Variants in ZNF521 observed in about 807,000 individuals in gnomAD.
The protein encoded by ZNF521 is LYST-interacting protein 3.
In ZNF521, 14 loss-of-function variants were observed where a neutral mutation model predicts 105.5. That is an observed-to-expected ratio of 0.13 (90% CI 0.09 to 0.21). The LOEUF (loss-of-function observed/expected upper bound fraction) is 0.21. ZNF521 is among the 10% of genes least tolerant of loss of function. ZNF521 has a pLI of 1.00. For synonymous variants in ZNF521, 635 were observed against 606.0 expected (o/e 1.05, Z -0.70); for missense variants, 1,233 against 1,629.7 (o/e 0.76, Z 4.19).
At chr18:25,288,585 A>C (rs370972841) in intron 3 of ZNF521, among the ~76,000 whole-genome samples, 3 of 143,136 alleles carry the variant, frequency 2.1e-5, no homozygotes, top group African/African-American at 5.4e-5. Context: ...AAAAAAAAAA[A>C]CCCAGCTTTG....
intron 4 of ZNF521, chr18:25,223,965 C>T (rs1344151432): frequency 4.1e-6 from 1 of 245,724 alleles, no homozygotes; most frequent in Non-Finnish European, 8.0e-6. Context: ...CATGGTGGCT[C>T]ATAGCATCTT....
chr18:25,206,517 G>A (rs1456561958), intron 4 of ZNF521, among the ~76,000 whole-genome samples: 1 of 151,352 alleles, frequency 6.6e-6, no homozygotes, highest in South Asian at 2.1e-4. Context: ...GAAATACCTC[G>A]TGTTCTGGTA....
At position 25,062,675 on chromosome 18, in the gene ZNF521, C is replaced by T. The variant is rs2032929243; in HGVS notation, c.*37G>A. On this transcript the variant is annotated 3_prime_UTR_variant, in exon 8 of 8. Coordinates refer to ENST00000361524, the MANE Select transcript of ZNF521 (RefSeq NM_015461.3). ...GAGTAAAACATGTTCCCTTTTTGTG[C>T]CACAAAATCAATTCTCCTTGAGAGA... The T allele has an allele frequency of 3.3e-6, 5 of 1,496,734 alleles. No homozygotes were observed. Among genetic ancestry groups the T allele is most frequent in the Non-Finnish European group, 4.5e-6 (5 of 1,121,338 alleles). The allele number at this position is 1,496,734 out of a possible 1,614,324, so 92.7% of individuals were successfully genotyped here. A position where few individuals can be genotyped will look rare whatever the true frequency, so the allele number is the denominator to read the frequency against.
At chr18:25,296,873 T>C (rs1363157726) in intron 3 of ZNF521, among the ~76,000 whole-genome samples, 1 of 152,162 alleles carries the variant, frequency 6.6e-6, no homozygotes, top group Non-Finnish European at 1.5e-5. Context: ...GAAACTTTCC[T>C]GTCTTGTTTA....
chr18:25,123,184 G>C (rs944810223), intron 5 of ZNF521, among the ~76,000 whole-genome samples: 8 of 151,762 alleles, frequency 5.3e-5, no homozygotes, highest in African/African-American at 1.9e-4. Flanking sequence ...TTAGAACAAA[G>C]AAGTAAGAGA....
At chr18:25,110,919 C>T (rs1202150223) in intron 5 of ZNF521, among the ~76,000 whole-genome samples, 5 of 151,972 alleles carry the variant, frequency 3.3e-5, no homozygotes, top group African/African-American at 4.8e-5. Context: ...CCCGCCACCA[C>T]GCCTGGCTAA....
intron 3 of ZNF521, among the ~76,000 whole-genome samples, chr18:25,268,227 TG>T (rs2051382173): frequency 6.6e-6 from 1 of 151,882 alleles, no homozygotes; most frequent in African/African-American, 2.4e-5. Context: ...AAGACAAGAC[TG>T]AAGTAAGAAA....
intron 5 of ZNF521, among the ~76,000 whole-genome samples, chr18:25,182,245 C>G (rs2035644258): frequency 1.3e-5 from 2 of 152,132 alleles, no homozygotes; most frequent in Non-Finnish European, 2.9e-5. Flanking sequence ...AGAGCAAATT[C>G]TGGCAAAGTT....
intron 5 of ZNF521, among the ~76,000 whole-genome samples, chr18:25,122,914 G>A (rs2034470156): frequency 6.6e-6 from 1 of 152,174 alleles, no homozygotes; most frequent in Non-Finnish European, 1.5e-5. Context: ...GTGTGGCAGT[G>A]GGGAAGGTGT....
rs1333690411 is a variant in ZNF521 at position 25,273,119 on chromosome 18, T to C, written c.221-45422A>G. Among the ~76,000 whole-genome samples the C allele has an allele frequency of 2.8e-5, 4 of 144,578 alleles. No individual in the cohort carries two copies. The Admixed American group carries it at 2.9e-4, about 11-fold the overall frequency. The allele number at this position is 144,578 out of a possible 152,430, so 94.8% of individuals were successfully genotyped here. On this transcript the variant is annotated intron_variant, in intron 3 of 7. Coordinates refer to ENST00000361524, the MANE Select transcript of ZNF521 (RefSeq NM_015461.3). ...ACATGCACCTGTAGTCCCAGCTACTTCGGGGGCTAAGGCAGGAGAATCACT... is the reference window on the plus strand; with the variant it reads ...ACATGCACCTGTAGTCCCAGCTACTCCGGGGGCTAAGGCAGGAGAATCACT...
rs563526694 is a variant in ZNF521, at chr18:25,075,566, C to T, written c.3907-12825G>A. On this transcript the variant is annotated intron_variant, in intron 7 of 7. Transcript: ENST00000361524. Reference sequence around the variant, plus strand: ...ATACATCTGGCAGTACATAAATGAACGCTATTCAATGTTCCTTGCCTGGCC... The same window carrying T: ...ATACATCTGGCAGTACATAAATGAATGCTATTCAATGTTCCTTGCCTGGCC... Among the ~76,000 whole-genome samples the T allele has an allele frequency of 3.9e-5, 6 of 152,286 alleles. No individual in the cohort carries two copies. The South Asian group carries it at 6.2e-4, about 16-fold the overall frequency.
intron 5 of ZNF521, among the ~76,000 whole-genome samples, chr18:25,125,267 T>A (rs112421410): frequency 0.011 from 1,671 of 152,282 alleles, 35 homozygotes; most frequent in African/African-American, 0.039. Flanking sequence ...ATTAGTCTTA[T>A]ATTTATCTAA....
At chr18:25,297,100 T>C (rs112664915) in intron 3 of ZNF521, among the ~76,000 whole-genome samples, 3 of 151,420 alleles carry the variant, frequency 2.0e-5, no homozygotes, top group African/African-American at 7.3e-5. Context: ...CACATATATA[T>C]AGACACATAT....
chr18:25,171,524 T>G (rs1383227279), intron 5 of ZNF521, among the ~76,000 whole-genome samples: 1 of 152,194 alleles, frequency 6.6e-6, no homozygotes, highest in African/African-American at 2.4e-5. Flanking sequence ...GACAGATTTA[T>G]AATCTTTTCC....
intron 5 of ZNF521, among the ~76,000 whole-genome samples, chr18:25,134,965 C>T (rs986971268): frequency 1.3e-5 from 2 of 152,118 alleles, no homozygotes; most frequent in Non-Finnish European, 2.9e-5. Context: ...CCACTCTATC[C>T]TGTAATACTT....
intron 5 of ZNF521, among the ~76,000 whole-genome samples, chr18:25,158,800 A>T (rs543213527): frequency 1.6e-4 from 24 of 152,150 alleles, no homozygotes; most frequent in Non-Finnish European, 2.9e-4. Context: ...TACTAAAAAT[A>T]CAAAAAATTA....
rs113086749 is a variant in ZNF521, at chr18:25,333,164, C to G, written c.41-10977G>C. Among the ~76,000 whole-genome samples the G allele has an allele frequency of 2.4e-3, 361 of 151,638 alleles. 3 individuals are homozygous for G. The highest frequency in any genetic ancestry group is 8.5e-3 in the African/African-American group (352 of 41,402). Reference sequence around the variant, plus strand: ...TTTCAAATGATTATTTCCAGATAATCTCCAAATATGCATAAAGTAATATCA... The same window carrying G: ...TTTCAAATGATTATTTCCAGATAATGTCCAAATATGCATAAAGTAATATCA... On this transcript the variant is annotated intron_variant, in intron 2 of 7. Coordinates refer to ENST00000361524, the MANE Select transcript of ZNF521 (RefSeq NM_015461.3).
intron 5 of ZNF521, among the ~76,000 whole-genome samples, chr18:25,143,704 G>A (rs1475874724): frequency 1.3e-5 from 2 of 151,948 alleles, no homozygotes; most frequent in East Asian, 1.9e-4. Context: ...AAGAAACAAC[G>A]TGTTTTCCCC....
At chr18:25,196,183 T>C (rs2035899394) in intron 4 of ZNF521, among the ~76,000 whole-genome samples, 1 of 151,794 alleles carries the variant, frequency 6.6e-6, no homozygotes, top group African/African-American at 2.4e-5. Flanking sequence ...AAAAACCATG[T>C]TGGAAGACAA....
Sources: allele counts gnomAD v4.1 joint callset (sites outside exome capture counted in the v4.1 genomes callset), GRCh38; gene constraint gnomAD v4.1.1; transcripts MANE v1.5; gene names NCBI Gene and HGNC (gene_info 2026-07-23, HGNC 2026-07-21).